Variants in CEP63 observed in about 807,000 individuals in gnomAD.
CEP63 encodes centrosomal protein 63.
In CEP63, 84 loss-of-function variants were observed where a neutral mutation model predicts 89.1. That is an observed-to-expected ratio of 0.94 (90% CI 0.79 to 1.13). The LOEUF (loss-of-function observed/expected upper bound fraction) is 1.13, where lower values mean the gene tolerates loss of function less well. Ranked by LOEUF, CEP63 falls within the 50% of genes most tolerant of loss-of-function variation. The probability of loss-of-function intolerance (pLI) is 0.00; values close to 1 mark genes in which losing one functional copy is unlikely to be tolerated. For missense variants in CEP63, 838 were observed against 813.3 expected, an observed-to-expected ratio of 1.03 and a Z score of -0.37; for synonymous variants, 267 against 272.5, an observed-to-expected ratio of 0.98 and a Z score of 0.20.
chr3:134,607,031 AT>A, the CEP63 span: 8 of 984,914 alleles, frequency 8.1e-6, no homozygotes, highest in African/African-American at 1.4e-4. Flanking sequence ...TTAGGTTTAG[AT>A]TTCTATAAAT....
intron 3 of CEP63, among the ~76,000 whole-genome samples, chr3:134,525,544 T>G (rs1948458557): frequency 6.6e-6 from 1 of 152,222 alleles, no homozygotes; most frequent in Non-Finnish European, 1.5e-5. Flanking sequence ...AGTATTGATA[T>G]GTATGGATTT....
intron 14 of CEP63, 25 bp from the exon 15 acceptor site, chr3:134,561,352 A>C: frequency 1.3e-6 from 2 of 1,592,476 alleles, no homozygotes; most frequent in Non-Finnish European, 1.7e-6. Flanking sequence ...TTATTTACAC[A>C]TGTCAAAATT....
At chr3:134,661,812 C>G in the CEP63 span, among the ~76,000 whole-genome samples, 473 of 150,790 alleles carry the variant, frequency 3.1e-3, 5 homozygotes, top group African/African-American at 0.011. Context: ...TTTGTGCCCC[C>G]CCCCTCAAAT....
At chr3:134,489,522 C>G (rs1936910977) in intron 1 of CEP63, among the ~76,000 whole-genome samples, 1 of 152,106 alleles carries the variant, frequency 6.6e-6, no homozygotes, top group South Asian at 2.1e-4. Flanking sequence ...GCTCCATCCA[C>G]CCATAGTGAA....
the CEP63 span, among the ~76,000 whole-genome samples, chr3:134,731,933 G>T: frequency 6.6e-6 from 1 of 152,192 alleles, no homozygotes; most frequent in East Asian, 1.9e-4. Flanking sequence ...CATAGCATCA[G>T]CCAAGGGAAA....
chr3:134,701,495 C>T, the CEP63 span, among the ~76,000 whole-genome samples: 2 of 147,162 alleles, frequency 1.4e-5, no homozygotes, highest in African/African-American at 5.0e-5. Context: ...TATACATACA[C>T]ATTATATATA....
chr3:134,749,554 A>G, the CEP63 span, among the ~76,000 whole-genome samples: 1 of 151,874 alleles, frequency 6.6e-6, no homozygotes. Context: ...TAATATAAAA[A>G]TCCAAGTGGA....
chr3:134,708,724 C>G, the CEP63 span, among the ~76,000 whole-genome samples: 3 of 152,116 alleles, frequency 2.0e-5, no homozygotes, highest in Non-Finnish European at 2.9e-5. Context: ...GCCTTCCTGC[C>G]CCCTTTTGCC....
chr3:134,640,520 GCTATTA>G, the CEP63 span, among the ~76,000 whole-genome samples: 1 of 152,100 alleles, frequency 6.6e-6, no homozygotes, highest in African/African-American at 2.4e-5. Context: ...TCTGGTCAAC[GCTATTA>G]CTGTGATAGA....
the CEP63 span, among the ~76,000 whole-genome samples, chr3:134,664,581 GCT>G: frequency 6.6e-6 from 1 of 152,134 alleles, no homozygotes; most frequent in Non-Finnish European, 1.5e-5. Context: ...GTGTGGGGTG[GCT>G]CTCTATGGCA....
chr3:134,528,558 G>A (rs1949158196), intron 3 of CEP63, among the ~76,000 whole-genome samples: 1 of 121,294 alleles, frequency 8.2e-6, no homozygotes, highest in South Asian at 2.6e-4. Flanking sequence ...GGAGGGGTGT[G>A]TGTGTGTGTG....
At chr3:134,586,790 G>A (rs1215242023) in intron 10 of CEP63, among the ~76,000 whole-genome samples, 1 of 152,160 alleles carries the variant, frequency 6.6e-6, no homozygotes, top group East Asian at 1.9e-4. Context: ...GAGTGTTTTC[G>A]AACTTGGTTC....
the CEP63 span, among the ~76,000 whole-genome samples, chr3:134,725,804 G>A: frequency 7.9e-5 from 12 of 152,118 alleles, no homozygotes; most frequent in Admixed American, 5.9e-4. Context: ...GCTACCTGGC[G>A]TTAGTGCAGA....
Position 134,584,863 on chromosome 3 carries a change from A to G in CEP63, c.1207-2595A>G, listed in dbSNP as rs552937192. 1.3e-4 allele frequency among the ~76,000 whole-genome samples: 19 copies of G among 149,944 alleles called. No homozygotes were observed. In the South Asian group the frequency reaches 3.6e-3, roughly 28 times the overall value. ...TTTTGCCTCAGTTCCAGAGCCTGTT[A>G]TTGGTCTATTCAGAGATTCAACTTC... On this transcript the variant is annotated intron_variant, in intron 10 of 10. Transcript: ENST00000683931.
the CEP63 span, among the ~76,000 whole-genome samples, chr3:134,632,890 C>T: frequency 2.6e-5 from 4 of 151,882 alleles, no homozygotes; most frequent in Non-Finnish European, 5.9e-5. Flanking sequence ...AGACACAAAT[C>T]AGGGGTAAAT....
rs540833471 is a variant in CEP63, at chr3:134,583,689, T to C, written c.1207-3769T>C. ...CTCTTTTTTGGTTCCATATGAACTT[T>C]AGAGTATTTTTTTCCAATTCTGTGA... On this transcript the variant is annotated intron_variant, in intron 10 of 10. Coordinates refer to the CEP63 transcript ENST00000683931. Among the ~76,000 whole-genome samples, 759 of 152,236 alleles carry C rather than the reference T, an allele frequency of 5.0e-3. 7 individuals are homozygous for C. Among genetic ancestry groups the C allele is most frequent in the Admixed American group, 9.2e-3 (141 of 15,290 alleles).
chr3:134,514,513 G>A (rs1012402874), intron 3 of CEP63, among the ~76,000 whole-genome samples: 1 of 152,054 alleles, frequency 6.6e-6, no homozygotes, highest in Non-Finnish European at 1.5e-5. Flanking sequence ...CAGTTGCCAT[G>A]GTTGAAAACT....
At chr3:134,537,512 C>T (rs1951000362) in intron 6 of CEP63, among the ~76,000 whole-genome samples, 1 of 152,128 alleles carries the variant, frequency 6.6e-6, no homozygotes. Context: ...GCTGCTTTGC[C>T]TCCTTGCTTG....
At chr3:134,572,609 G>A (rs188237885) in intron 11 of CEP63, among the ~76,000 whole-genome samples, 4 of 152,276 alleles carry the variant, frequency 2.6e-5, no homozygotes, top group Non-Finnish European at 5.9e-5. Context: ...TGGCTATGTA[G>A]TATTCCATGG....
Sources: gnomAD v4.1 joint callset for allele counts (sites outside exome capture counted in the v4.1 genomes callset) on GRCh38, gnomAD v4.1.1 for gene constraint, MANE v1.5 for transcripts, NCBI Gene and HGNC (gene_info 2026-07-23, HGNC 2026-07-21) for gene names.